The following RASGRP1 variants were observed in gnomAD, a reference collection of about 807,000 sequenced individuals.
RASGRP1 encodes the protein RAS guanyl-releasing protein 1.
In RASGRP1, 37 loss-of-function variants were observed where a neutral mutation model predicts 95.1. That is an observed-to-expected ratio of 0.39 (90% CI 0.30 to 0.51). RASGRP1 has a LOEUF of 0.51. RASGRP1 is among the 20% of genes least tolerant of loss of function. RASGRP1 has a pLI of 0.80. For missense variants in RASGRP1, 711 were observed against 965.4 expected (o/e 0.74, Z 3.49); for synonymous variants, 325 against 353.4 (o/e 0.92, Z 0.90).
intron 3 of RASGRP1, 23 bp downstream of exon 3, chr15:38,526,276 C>T (rs1892215645): frequency 6.3e-7 from 1 of 1,578,950 alleles, no homozygotes; most frequent in South Asian, 1.1e-5. Flanking sequence ...TTTGGGATTG[C>T]CAGTCACTAT....
intron 15 of RASGRP1, among the ~76,000 whole-genome samples, chr15:38,498,336 C>A (rs1277608488): frequency 6.6e-6 from 1 of 152,052 alleles, no homozygotes; most frequent in Non-Finnish European, 1.5e-5. Context: ...ACATGTGTAA[C>A]CTTGAGATAT....
At chr15:38,557,132 C>T (rs1893590082) in intron 2 of RASGRP1, among the ~76,000 whole-genome samples, 1 of 152,196 alleles carries the variant, frequency 6.6e-6, no homozygotes, top group Non-Finnish European at 1.5e-5. Context: ...CTCTGTTCTA[C>T]TGTCAGATGA....
intron 2 of RASGRP1, among the ~76,000 whole-genome samples, chr15:38,539,851 T>C (rs1892798416): frequency 1.3e-5 from 2 of 152,214 alleles, no homozygotes; most frequent in South Asian, 4.1e-4. Flanking sequence ...GATAGTTTAC[T>C]GAGAATGATG....
intron 6 of RASGRP1, among the ~76,000 whole-genome samples, chr15:38,515,727 C>G (rs574295206): frequency 1.4e-4 from 21 of 151,914 alleles, no homozygotes; most frequent in African/African-American, 4.6e-4. Context: ...TCAAAGCTTA[C>G]CCCAGAATGA....
chr15:38,502,551 C>T, intron 11 of RASGRP1, 130 bp from the exon 12 acceptor site: 1 of 620,432 alleles, frequency 1.6e-6, no homozygotes, highest in Non-Finnish European at 2.8e-6. Context: ...AACAGGGAAA[C>T]CTGCTCCTTT....
At chr15:38,538,648 G>A (rs1436459085) in intron 2 of RASGRP1, among the ~76,000 whole-genome samples, 1 of 152,188 alleles carries the variant, frequency 6.6e-6, no homozygotes, top group Non-Finnish European at 1.5e-5. Flanking sequence ...TACACAGCTA[G>A]TAAGTAGTAG....
intron 2 of RASGRP1, among the ~76,000 whole-genome samples, chr15:38,532,491 C>G (rs1047422753): frequency 1.3e-5 from 2 of 152,188 alleles, no homozygotes; most frequent in African/African-American, 4.8e-5. Flanking sequence ...TCTGGGCCAA[C>G]AGCCTATTTT....
rs1271300282 is a variant in RASGRP1, at chr15:38,507,814, G to C, written c.1154C>G (p.Ala385Gly). 6.2e-7 allele frequency: 1 copy of C among 1,612,684 alleles called. No individual in the cohort carries two copies. Among genetic ancestry groups the C allele is most frequent in the Non-Finnish European group, 8.5e-7 (1 of 1,179,586 alleles). ...CAATTCACTGATATGATTGTATAGG[G>C]CCAGTAGCTTATGGACGTTCACTTT... ...DGKVNVHKLL[A>G]LYNHISELVQ... Residue 385 changes from alanine (A) to glycine (G), a missense_variant, in exon 9 of 17, where the codon GCC becomes GGC. Physicochemically the swap from Ala to Gly is moderately conservative, Grantham distance 60. Around this residue, in one of 3 missense-constraint regions of RASGRP1, gnomAD observed 491 missense variants for 676.6 expected, o/e 0.73. Coordinates refer to ENST00000310803, the MANE Select transcript of RASGRP1 (RefSeq NM_005739.4).
At chr15:38,501,542 G>A (rs1416949220) in intron 12 of RASGRP1, 1 of 609,896 alleles carries the variant, frequency 1.6e-6, no homozygotes, top group Admixed American at 2.2e-5. Flanking sequence ...TAACTAACTT[G>A]ACCACTATCT....
chr15:38,520,740 T>G (rs1173339664), intron 3 of RASGRP1, among the ~76,000 whole-genome samples: 1 of 152,174 alleles, frequency 6.6e-6, no homozygotes, highest in Non-Finnish European at 1.5e-5. Context: ...AATGCAGAAC[T>G]GTAGTTTAAA....
intron 3 of RASGRP1, 41 bp downstream of exon 3, chr15:38,526,258 G>T: frequency 1.4e-6 from 2 of 1,481,362 alleles, no homozygotes; most frequent in Non-Finnish European, 1.9e-6. Context: ...TTTTTGGGTG[G>T]ATCCCATTTT....
intron 3 of RASGRP1, among the ~76,000 whole-genome samples, chr15:38,525,605 T>C (rs1892187367): frequency 2.0e-5 from 3 of 152,056 alleles, no homozygotes; most frequent in Non-Finnish European, 4.4e-5. Flanking sequence ...ACGCGGGGAA[T>C]TAGGAGAGTG....
chr15:38,531,824 T>G (rs1892452173), intron 2 of RASGRP1, among the ~76,000 whole-genome samples: 1 of 152,202 alleles, frequency 6.6e-6, no homozygotes, highest in African/African-American at 2.4e-5. Flanking sequence ...AACGAGAGAA[T>G]GGTTCAGTGT....
intron 4 of RASGRP1, among the ~76,000 whole-genome samples, chr15:38,518,990 T>A (rs1201674508): frequency 6.6e-6 from 1 of 152,238 alleles, no homozygotes. Context: ...ATAGTTATAT[T>A]CTTTTCTACA....
At chr15:38,539,840 C>A (rs1022359357) in intron 2 of RASGRP1, among the ~76,000 whole-genome samples, 1 of 151,966 alleles carries the variant, frequency 6.6e-6, no homozygotes, top group African/African-American at 2.4e-5. Context: ...TTTGTTCTTG[C>A]GATAGTTTAC....
intron 3 of RASGRP1, among the ~76,000 whole-genome samples, chr15:38,525,352 G>C (rs1297897868): frequency 6.6e-6 from 1 of 152,074 alleles, no homozygotes; most frequent in Non-Finnish European, 1.5e-5. Flanking sequence ...ATAATCACTG[G>C]TACATGAAAT....
rs181750828 is a variant in RASGRP1 at position 38,496,813 on chromosome 15, G to T, written c.1873+1981C>A. Among the ~76,000 whole-genome samples, 418 of 152,264 alleles carry T rather than the reference G, an allele frequency of 2.7e-3. 2 individuals carry two copies. The highest frequency in any genetic ancestry group is 9.7e-3 in the African/African-American group (405 of 41,540). ...AAAAAGGAATGTGCATTTCTTACAT[G>T]GAAGTGAAGCACTTAAGCTTTGATC... On this transcript the variant is annotated intron_variant, in intron 15 of 16. Transcript: ENST00000310803.
At chr15:38,506,352 T>G (rs969674025) in intron 9 of RASGRP1, among the ~76,000 whole-genome samples, 2 of 152,118 alleles carry the variant, frequency 1.3e-5, no homozygotes, top group Non-Finnish European at 2.9e-5. Flanking sequence ...AGTTAATGAG[T>G]CTGGGTGCAT....
At position 38,512,791 on chromosome 15, in the gene RASGRP1, C is replaced by T. The variant is rs771885093; in HGVS notation, c.841G>A (p.Val281Met). 1 of 1,613,630 alleles carries T rather than the reference C, an allele frequency of 6.2e-7. No individual in the cohort carries two copies. Among genetic ancestry groups the T allele is most frequent in the Non-Finnish European group, 8.5e-7 (1 of 1,179,704 alleles). Residue 281 changes from valine to methionine, a missense_variant, in exon 7 of 17, where the codon GTG (valine) becomes ATG (methionine). This residue lies in a region of RASGRP1 where 491 missense variants were observed against 676.6 expected (regional missense o/e 0.73). Transcript: ENST00000310803. Reference sequence around the variant, plus strand: ...TTAAACCAGTTATTCACCTGAGCCACCTGGATGAACTTGATGAAGACTTCT... The same window carrying T: ...TTAAACCAGTTATTCACCTGAGCCATCTGGATGAACTTGATGAAGACTTCT... Reference protein sequence around the residue: ...RAEVFIKFIQVAQKLHQLQNF... With the variant: ...RAEVFIKFIQMAQKLHQLQNF...
Sources: allele counts gnomAD v4.1 joint callset (sites outside exome capture counted in the v4.1 genomes callset), GRCh38; gene constraint gnomAD v4.1.1; regional missense constraint gnomAD v4.1.1; transcripts MANE v1.5; gene names NCBI Gene and HGNC (gene_info 2026-07-23, HGNC 2026-07-21).